Variants in SELP observed in about 807,000 individuals in gnomAD.
SELP encodes the protein P-selectin.
A neutral mutation model predicts 104.1 loss-of-function variants in SELP; 92 were observed. The ratio of observed to expected loss-of-function variants is 0.88; its 90% CI spans 0.75 to 1.05. The LOEUF is 1.05. Ranked by LOEUF, SELP falls within the 50% of genes least tolerant of loss-of-function variation. The probability of loss-of-function intolerance (pLI) is 0.00; values close to 1 mark genes in which losing one functional copy is unlikely to be tolerated. For missense variants in SELP, 1,022 were observed against 1,017.3 expected, an observed-to-expected ratio of 1.00 and a Z score of -0.06; for synonymous variants, 397 against 364.5, an observed-to-expected ratio of 1.09 and a Z score of -1.01.
intron 1 of SELP, among the ~76,000 whole-genome samples, chr1:169,621,332 T>C (rs1663121822): frequency 7.0e-6 from 1 of 143,616 alleles, no homozygotes; most frequent in African/African-American, 2.6e-5. Context: ...GTCCTGGTGA[T>C]GGATGATGTA....
Position 169,597,277 on chromosome 1 carries a change from G to C in SELP, c.1706-101C>G, listed in dbSNP as rs1037991488. 2.9e-6 allele frequency: 3 copies of C among 1,047,654 alleles called. No homozygotes were observed. In the Admixed American group the frequency reaches 8.7e-5, roughly 30 times the overall value. 64.9% of individuals were successfully genotyped at this position (1,047,654 alleles called of 1,614,324 possible). On this transcript the variant is annotated intron_variant, in intron 10 of 16. Coordinates refer to ENST00000263686, the MANE Select transcript of SELP (RefSeq NM_003005.4). ...TATATATTCAAAAAATATTTATTAA[G>C]CACCTATATTCCAGGTATTTTGCTA...
chr1:169,592,694 G>T (rs1276352095), intron 14 of SELP, among the ~76,000 whole-genome samples: 1 of 152,134 alleles, frequency 6.6e-6, no homozygotes, highest in Non-Finnish European at 1.5e-5. Flanking sequence ...CCCTTACAGA[G>T]AGTTTTCATC....
At chr1:169,620,578 C>A (rs1418832322) in intron 1 of SELP, among the ~76,000 whole-genome samples, 2 of 152,144 alleles carry the variant, frequency 1.3e-5, no homozygotes, top group Non-Finnish European at 2.9e-5. Flanking sequence ...ACTATCCCAG[C>A]CAGACTGCTA....
intron 1 of SELP, among the ~76,000 whole-genome samples, chr1:169,627,045 C>T (rs1449501255): frequency 6.6e-6 from 1 of 151,786 alleles, no homozygotes. Flanking sequence ...GAGGCTATTG[C>T]AATGGTCCCA....
chr1:169,620,949 C>CTGTGTGTGTGTGTG (rs57455285), intron 1 of SELP, among the ~76,000 whole-genome samples: 1 of 77,026 alleles, frequency 1.3e-5, no homozygotes, highest in African/African-American at 5.5e-5. Flanking sequence ...GTGTGGGGTT[C>CTGTGTGTGTGTGTG]TGTGTGTGTG....
chr1:169,602,138 G>C (rs1388258426), intron 10 of SELP, among the ~76,000 whole-genome samples: 1 of 152,076 alleles, frequency 6.6e-6, no homozygotes, highest in Non-Finnish European at 1.5e-5. Flanking sequence ...AATTTTACTG[G>C]TAAATGATCA....
rs1247057199 is a variant in SELP, at chr1:169,596,068, A to C, written c.1958T>G (p.Met653Arg). ...GGTTCCCGGATGATGCCTACAGTAC[A>C]TGGTTCCCTGCCCAGGAGTGGTGAG... is the stretch of plus-strand genomic sequence containing the variant. The part of the protein sequence containing the change: ...PALTTPGQGT[M>R]YCRHHPGTFG... The change falls in exon 12 of 17, where the codon ATG becomes AGG. Residue 653 changes from methionine (M) to arginine (R), a missense_variant. Physicochemically the swap from Met to Arg is moderately conservative, Grantham distance 91 (BLOSUM62 -1). Coordinates refer to ENST00000263686, the MANE Select transcript of SELP (RefSeq NM_003005.4). The C allele has an allele frequency of 5.0e-6, 8 of 1,613,868 alleles. No individual in the cohort carries two copies. Among genetic ancestry groups the C allele is most frequent in the Non-Finnish European group, 6.8e-6 (8 of 1,179,836 alleles).
At chr1:169,628,194 C>T (rs779836888) in intron 1 of SELP, among the ~76,000 whole-genome samples, 5 of 152,214 alleles carry the variant, frequency 3.3e-5, no homozygotes, top group African/African-American at 4.8e-5. Flanking sequence ...CTGAGCCCGG[C>T]CATAGCCCGC....
In SELP at chr1:169,603,107, CG is replaced by C; in HGVS notation, c.1623del (p.Asp541GlufsTer92). ...TCTGGTCCAGACAAAGAATATCCCT[CG>C]TCACAGATGAATTGACATGTGGATT... ...SYKSTCQFICDEGYSLSGPER... is the reference protein window; with the variant it reads ...SYKSTCQFICXEGYSLSGPER... On this transcript the variant is annotated frameshift_variant, in exon 10 of 17. Coordinates refer to ENST00000263686, the MANE Select transcript of SELP (RefSeq NM_003005.4). LOFTEE classifies it high-confidence loss of function. 6.2e-7 allele frequency: 1 copy of C among 1,614,036 alleles called. No individual in the cohort carries two copies. Among genetic ancestry groups the C allele is most frequent in the Non-Finnish European group, 8.5e-7 (1 of 1,179,960 alleles).
intron 8 of SELP, 89 bp downstream of exon 8, chr1:169,609,415 A>G: frequency 7.7e-7 from 1 of 1,301,284 alleles, no homozygotes; most frequent in Non-Finnish European, 1.1e-6. Context: ...TGAATATCTG[A>G]TAAAGAAAGG....
intron 1 of SELP, among the ~76,000 whole-genome samples, chr1:169,628,995 C>A (rs772501929): frequency 6.6e-6 from 1 of 152,134 alleles, no homozygotes; most frequent in African/African-American, 2.4e-5. Flanking sequence ...CAGGTGTATG[C>A]GGTACTTTTT....
At chr1:169,621,827 G>A (rs374140674) in intron 1 of SELP, among the ~76,000 whole-genome samples, 3 of 152,144 alleles carry the variant, frequency 2.0e-5, no homozygotes, top group East Asian at 1.9e-4. Flanking sequence ...CAGAGTGATC[G>A]ATAACCCTTT....
intron 2 of SELP, among the ~76,000 whole-genome samples, chr1:169,617,925 C>G (rs572137201): frequency 6.6e-6 from 1 of 152,298 alleles, no homozygotes; most frequent in South Asian, 2.1e-4. Context: ...TGCACATGCT[C>G]TCCCCACAAT....
intron 1 of SELP, among the ~76,000 whole-genome samples, chr1:169,619,619 C>T (rs1205619881): frequency 1.3e-5 from 2 of 152,106 alleles, no homozygotes; most frequent in Admixed American, 6.5e-5. Flanking sequence ...CACATGAGAA[C>T]TTCCTGACCC....
intron 7 of SELP, among the ~76,000 whole-genome samples, chr1:169,610,347 T>C (rs988940730): frequency 2.0e-5 from 3 of 152,174 alleles, no homozygotes; most frequent in Non-Finnish European, 4.4e-5. Context: ...AATTAAGCCC[T>C]GAGTGACCTC....
intron 10 of SELP, among the ~76,000 whole-genome samples, chr1:169,598,992 C>T (rs1357263011): frequency 2.0e-5 from 3 of 152,168 alleles, no homozygotes; most frequent in East Asian, 1.9e-4. Context: ...GCTTTGGTTT[C>T]AGTCTTATCA....
At chr1:169,615,087 G>A (rs1662739815) in intron 3 of SELP, among the ~76,000 whole-genome samples, 1 of 152,132 alleles carries the variant, frequency 6.6e-6, no homozygotes, top group Non-Finnish European at 1.5e-5. Flanking sequence ...CTATTCCTTT[G>A]GATCTCCAGG....
At chr1:169,618,138 C>A (rs1395484161) in intron 2 of SELP, among the ~76,000 whole-genome samples, 3 of 152,160 alleles carry the variant, frequency 2.0e-5, no homozygotes, top group Non-Finnish European at 4.4e-5. Flanking sequence ...ACGGTGTTTT[C>A]TTTTTAGCTT....
intron 4 of SELP, 125 bp downstream of exon 4, chr1:169,613,461 A>T: frequency 5.5e-6 from 4 of 723,300 alleles, no homozygotes; most frequent in Non-Finnish European, 7.3e-6. Context: ...AGTGGAGGAG[A>T]CAGATGATAG....
Sources: allele counts gnomAD v4.1 joint callset (sites outside exome capture counted in the v4.1 genomes callset), GRCh38; gene constraint gnomAD v4.1.1; transcripts MANE v1.5; gene names NCBI Gene and HGNC (gene_info 2026-07-23, HGNC 2026-07-21).